DOC2A: variants seen among roughly 807,000 people sequenced by gnomAD.
The protein encoded by DOC2A is double C2-like domain-containing protein alpha.
In DOC2A, 28 loss-of-function variants were observed where a neutral mutation model predicts 40.6. The observed-to-expected ratio is 0.69, with a 90% CI of 0.51 to 0.95. The LOEUF is 0.95. Ranked by LOEUF, DOC2A falls within the 40% of genes least tolerant of loss-of-function variation. The pLI, the probability that DOC2A is intolerant of heterozygous loss-of-function variation, is 0.00. For missense variants in DOC2A, 474 were observed against 552.5 expected (o/e 0.86, Z 1.42); for synonymous variants, 241 against 236.9 (o/e 1.02, Z -0.16).
rs757705613 is a variant in DOC2A, at chr16:30,010,304, CCTCCTCGGT to C, written c.-13-78_-13-70del. 1.2e-4 allele frequency: 188 copies of C among 1,594,978 alleles called. No individual in the cohort carries two copies. The highest frequency in any genetic ancestry group is 1.5e-4 in the Non-Finnish European group (178 of 1,173,628). The stretch of plus-strand genomic sequence containing the variant: ...ATCCTGGCTGAGGGCCAGGCGACGG[CCTCCTCGGT>C]CTGTGGGGCCCTCACTGGCCTCCCT... On this transcript the variant is annotated intron_variant, in intron 1 of 10. Transcript: ENST00000350119. This position sits in a 1 kb window ranked among gnomAD's most constrained non-coding sequence, Gnocchi z 4.2.
chr16:30,009,608 G>T lies in DOC2A; in HGVS notation c.263-51C>A. On this transcript the variant is annotated intron_variant, in intron 2 of 10. Coordinates refer to ENST00000350119, the MANE Select transcript of DOC2A (RefSeq NM_003586.3). This position sits in a 1 kb window ranked among gnomAD's most constrained non-coding sequence, Gnocchi z 4.1. Reference sequence around the variant, plus strand: ...GGTCGGTATGGAGACAGGTGTGTGCGAGAGGCCAGCAGGTGGGCACTGGCT... The same window carrying T: ...GGTCGGTATGGAGACAGGTGTGTGCTAGAGGCCAGCAGGTGGGCACTGGCT... 6.7e-7 allele frequency: 1 copy of T among 1,483,074 alleles called. No homozygotes were observed. The highest frequency in any genetic ancestry group is 9.2e-7 in the Non-Finnish European group (1 of 1,089,546). The allele number at this position is 1,483,074 out of a possible 1,614,324, so 91.9% of individuals were successfully genotyped here.
At chr16:30,011,940 G>A (rs1393205288), upstream of DOC2A, among the ~76,000 whole-genome samples, 1 of 152,092 alleles carries the variant, frequency 6.6e-6, no homozygotes, top group African/African-American at 2.4e-5. Flanking sequence ...CCCTGCGGTA[G>A]TTCCCCATGG....
chr16:30,015,313 T>C (rs1010390014), upstream of DOC2A: 1 of 150,768 alleles, frequency 6.6e-6, no homozygotes, highest in African/African-American at 2.5e-5. Context: ...TCTTTGTTTG[T>C]TTGTTTGTTT....
chr16:30,010,195 T>C lies in DOC2A; in HGVS notation c.28A>G (p.Thr10Ala). Reference sequence around the variant, plus strand: ...GCCATGTGCTCCTGGATGTTGATGGTCATGCGATCGCCCCTGCGGCCCCTC... The same window carrying C: ...GCCATGTGCTCCTGGATGTTGATGGCCATGCGATCGCCCCTGCGGCCCCTC... Reference protein sequence around the residue: MRGRRGDRMTINIQEHMAIN... With the variant: MRGRRGDRMAINIQEHMAIN... Residue 10 changes from threonine (T) to alanine (A), a missense_variant, in exon 2 of 11, where the codon ACC (threonine) becomes GCC (alanine). Transcript: ENST00000350119. This position sits in a 1 kb window ranked among gnomAD's most constrained non-coding sequence, Gnocchi z 4.2. 1 of 1,613,978 alleles carries C rather than the reference T, an allele frequency of 6.2e-7. No individual in the cohort carries two copies.
rs963449566 is a variant in DOC2A at position 30,009,909 on chromosome 16, C to T, written c.262+52G>A. The T allele has an allele frequency of 6.2e-7, 1 of 1,609,064 alleles. No individual in the cohort carries two copies. Among genetic ancestry groups the T allele is most frequent in the Non-Finnish European group, 8.5e-7 (1 of 1,178,384 alleles). ...CCATCCCCCTCTCCCCCCACCACGGCAAGCCTGGAGACCCCCACCAGCACA... is the reference window on the plus strand; with the variant it reads ...CCATCCCCCTCTCCCCCCACCACGGTAAGCCTGGAGACCCCCACCAGCACA... On this transcript the variant is annotated intron_variant, in intron 2 of 10. Transcript: ENST00000350119. This position sits in a 1 kb window ranked among gnomAD's most constrained non-coding sequence, Gnocchi z 4.1.
intron 1 of DOC2A, among the ~76,000 whole-genome samples, chr16:30,019,883 T>G (rs1415585359): frequency 6.6e-6 from 1 of 151,818 alleles, no homozygotes; most frequent in Non-Finnish European, 1.5e-5. Flanking sequence ...TATAGGCACG[T>G]ACCACCATGC....
upstream of DOC2A, among the ~76,000 whole-genome samples, chr16:30,022,376 A>G (rs541390417): frequency 6.6e-6 from 1 of 151,542 alleles, no homozygotes; most frequent in Non-Finnish European, 1.5e-5. Context: ...ATAGGTGTTC[A>G]ATAAATGCTA....
chr16:30,006,407 C>T lies in DOC2A; in HGVS notation c.1057+6G>A. On this transcript the variant is annotated splice_donor_region_variant and intron_variant, in intron 10 of 10. Transcript: ENST00000350119. This position sits in a 1 kb window ranked among gnomAD's most constrained non-coding sequence, Gnocchi z 6.2. ...CCTCAACACCCGCAGCCAGCTCCTC[C>T]CTCACCAATGAAGTCATTGGATTTG... The T allele has an allele frequency of 6.2e-7, 1 of 1,613,802 alleles. No homozygotes were observed. Among genetic ancestry groups the T allele is most frequent in the Non-Finnish European group, 8.5e-7 (1 of 1,179,922 alleles).
rs377241271 is a variant in DOC2A, at chr16:30,009,244, G to A, written c.375C>T (p.Ala125=). ...GLKPMDFNGL[A]DPYVKLHLLP... The stretch of plus-strand genomic sequence containing the variant: ...GCAAGTGCAGCTTGACGTAGGGGTC[G>A]GCGAGGCCATTGAAATCCATGGGCT... The change falls in exon 4 of 11, where the codon GCC becomes GCT. Residue 125 remains alanine (A), a synonymous_variant. Coordinates refer to ENST00000350119, the MANE Select transcript of DOC2A (RefSeq NM_003586.3). This position sits in a 1 kb window ranked among gnomAD's most constrained non-coding sequence, Gnocchi z 4.1. 1,186 of 1,570,048 alleles carry A rather than the reference G, an allele frequency of 7.6e-4. 13 individuals carry two copies. The South Asian group carries it at 0.012, about 16-fold the overall frequency.
intron 1 of DOC2A, among the ~76,000 whole-genome samples, chr16:30,017,477 T>C (rs1027807323): frequency 2.0e-5 from 3 of 152,054 alleles, no homozygotes; most frequent in African/African-American, 7.2e-5. Context: ...AAGAATGAAA[T>C]TATATCCCTT....
rs928747818 is a variant in DOC2A at position 30,005,885 on chromosome 16, G to A, written c.*301C>T. ...TGTTGGGGGAGAGGGACGGGGCAGC[G>A]TGGAGAGGCAGGAGTGAGGAGCGCG... On this transcript the variant is annotated 3_prime_UTR_variant, in exon 11 of 11. Transcript: ENST00000350119. 47 of 502,952 alleles carry A rather than the reference G, an allele frequency of 9.3e-5. No homozygotes were observed. Among genetic ancestry groups the A allele is most frequent in the Non-Finnish European group, 1.5e-4 (43 of 282,500 alleles). 31.2% of individuals were successfully genotyped at this position (502,952 alleles called of 1,614,324 possible).
upstream of DOC2A, among the ~76,000 whole-genome samples, chr16:30,013,087 TG>T (rs2070810949): frequency 7.1e-6 from 1 of 140,116 alleles, no homozygotes. Context: ...GGGGGGAAGC[TG>T]AGACGGACTG....
rs565034123 is a variant in DOC2A at position 30,009,385 on chromosome 16, G to C, written c.342+93C>G. ...CAGAAGGAGGGGGCAAGGGCAGGAC[G>C]AAGGAGCAGGCCTGGGAAGGGAAGG... On this transcript the variant is annotated intron_variant, in intron 3 of 10. Transcript: ENST00000350119. This position sits in a 1 kb window ranked among gnomAD's most constrained non-coding sequence, Gnocchi z 4.1. 265 of 1,491,014 alleles carry C rather than the reference G, an allele frequency of 1.8e-4. No individual in the cohort carries two copies. The African/African-American group carries it at 3.3e-3, about 19-fold the overall frequency. The allele number at this position is 1,491,014 out of a possible 1,614,324, so 92.4% of individuals were successfully genotyped here. A position where few individuals can be genotyped will look rare whatever the true frequency, so the allele number is the denominator to read the frequency against.
chr16:30,017,021 G>A (rs1174479924), upstream of DOC2A, among the ~76,000 whole-genome samples: 2 of 152,176 alleles, frequency 1.3e-5, no homozygotes, highest in East Asian at 3.8e-4. Context: ...TGTATTCTAG[G>A]CAGAGGTGTG....
rs929512560 is a variant in DOC2A at position 30,010,864 on chromosome 16, A to G, written c.-14+39T>C. On this transcript the variant is annotated intron_variant, in intron 1 of 10. Coordinates refer to ENST00000350119, the MANE Select transcript of DOC2A (RefSeq NM_003586.3). This position sits in a 1 kb window ranked among gnomAD's most constrained non-coding sequence, Gnocchi z 4.2. Reference sequence around the variant, plus strand: ...CACACAGGCTGGCACGCTTCCCCGCACCCTCACGCCCCCGGCCTGCCCAGC... The same window carrying G: ...CACACAGGCTGGCACGCTTCCCCGCGCCCTCACGCCCCCGGCCTGCCCAGC... 1.3e-4 allele frequency: 131 copies of G among 995,698 alleles called. No homozygotes were observed. The African/African-American group carries it at 2.3e-3, about 17-fold the overall frequency. 61.7% of individuals were successfully genotyped at this position (995,698 alleles called of 1,614,324 possible).
At chr16:30,008,925 T>A in intron 5 of DOC2A, 71 bp downstream of exon 5, 2 of 1,069,398 alleles carry the variant, frequency 1.9e-6, no homozygotes, top group Non-Finnish European at 2.9e-6. Context: ...GGGACATAGA[T>A]CAACCAACCA....
rs148944042 is a variant in DOC2A at position 30,009,971 on chromosome 16, C to T, written c.252G>A (p.Ser84=). The part of the protein sequence containing the change: ...EDGAEVDSYD[S]DDATALGTLE... ...AGCCCCCAGACTCACTGGCATCATC[C>T]GAGTCATAGCTGTCCACCTCCGCAC... Residue 84 remains serine, a synonymous_variant, in exon 2 of 11, where the codon TCG becomes TCA. Coordinates refer to ENST00000350119, the MANE Select transcript of DOC2A (RefSeq NM_003586.3). This position sits in a 1 kb window ranked among gnomAD's most constrained non-coding sequence, Gnocchi z 4.1. 18 of 1,611,346 alleles carry T rather than the reference C, an allele frequency of 1.1e-5. No individual in the cohort carries two copies. Among genetic ancestry groups the T allele is most frequent in the Admixed American group, 8.3e-5 (5 of 59,998 alleles).
At chr16:30,019,562 G>T (rs1246630093) in intron 1 of DOC2A, among the ~76,000 whole-genome samples, 1 of 152,186 alleles carries the variant, frequency 6.6e-6, no homozygotes, top group Non-Finnish European at 1.5e-5. Flanking sequence ...ATAATGCATT[G>T]TTTGGGTCAA....
Position 30,009,523 on chromosome 16 carries a change from G to A in DOC2A, c.297C>T (p.Tyr99=), listed in dbSNP as rs767876453. ...AGTGCAGAGTGCAGGAGGCCCGGTCGTAGAGAAGGTCAAACTCCAGCGTGC... is the reference window on the plus strand; with the variant it reads ...AGTGCAGAGTGCAGGAGGCCCGGTCATAGAGAAGGTCAAACTCCAGCGTGC... ...ALGTLEFDLL[Y]DRASCTLHCS... is the part of the protein sequence containing the mutation. The change falls in exon 3 of 11, where the codon TAC becomes TAT. Residue 99 remains tyrosine, a synonymous_variant. Coordinates refer to ENST00000350119, the MANE Select transcript of DOC2A (RefSeq NM_003586.3). The surrounding 1 kb of genome is among the most constrained non-coding windows in gnomAD (Gnocchi z 4.1). 2.0e-5 allele frequency: 31 copies of A among 1,551,404 alleles called. No individual in the cohort carries two copies. Among genetic ancestry groups the A allele is most frequent in the South Asian group, 9.5e-5 (8 of 84,068 alleles).
Sources: gnomAD v4.1 joint callset for allele counts (sites outside exome capture counted in the v4.1 genomes callset) on GRCh38, gnomAD v4.1.1 for gene constraint, Gnocchi (gnomAD v3.1) non-coding constraint, MANE v1.5 for transcripts, NCBI Gene and HGNC (gene_info 2026-07-23, HGNC 2026-07-21) for gene names.